SP6: variants seen among roughly 807,000 people sequenced by gnomAD.
SP6 encodes Sp6 transcription factor.
A neutral mutation model predicts 23.4 loss-of-function variants in SP6; 10 were observed. The observed-to-expected ratio is 0.43, with a 90% CI of 0.26 to 0.72. The LOEUF (loss-of-function observed/expected upper bound fraction) is 0.72. Among genes scored for constraint, SP6 ranks in the 30% least tolerant of loss-of-function variants. The pLI is 0.23. For synonymous variants in SP6, 238 were observed against 238.7 expected, an observed-to-expected ratio of 1.00 and a Z score of 0.03; for missense variants, 482 against 523.8, an observed-to-expected ratio of 0.92 and a Z score of 0.78.
the SP6 span, among the ~76,000 whole-genome samples, chr17:47,875,919 C>T: frequency 1.3e-5 from 2 of 152,336 alleles, no homozygotes; most frequent in South Asian, 4.1e-4. Flanking sequence ...AGGAGCCCTG[C>T]ACCCCACCAT....
chr17:47,860,681 T>C (rs2034029351), upstream of SP6, among the ~76,000 whole-genome samples: 1 of 138,398 alleles, frequency 7.2e-6, no homozygotes, highest in African/African-American at 2.7e-5. Flanking sequence ...CTGGGCAACA[T>C]AGTAAGACTC....
At chr17:47,863,564 CTTCTTTTTTTT>C in the SP6 span, 2 of 80,108 alleles carry the variant, frequency 2.5e-5, no homozygotes, top group African/African-American at 9.7e-5. Flanking sequence ...TGGACTTCTT[CTTCTTTTTTTT>C]TTTTTTTTTT....
upstream of SP6, among the ~76,000 whole-genome samples, chr17:47,854,688 G>A (rs1203818334): frequency 1.3e-5 from 2 of 152,214 alleles, no homozygotes; most frequent in Non-Finnish European, 2.9e-5. Context: ...CAACTGTCCT[G>A]TAGAGATTGC....
upstream of SP6, chr17:47,855,739 GC>G (rs2033993726): frequency 6.6e-6 from 1 of 152,604 alleles, no homozygotes; most frequent in Non-Finnish European, 1.5e-5. Context: ...GAGGTGACAG[GC>G]AGTGCCAAAG....
At chr17:47,856,094 A>G (rs1479302680), upstream of SP6, among the ~76,000 whole-genome samples, 5 of 152,174 alleles carry the variant, frequency 3.3e-5, no homozygotes, top group Admixed American at 6.5e-5. Flanking sequence ...GTAAGAGAGA[A>G]AGAAGTTCCA....
the SP6 span, among the ~76,000 whole-genome samples, chr17:47,872,087 G>A: frequency 1.3e-5 from 2 of 152,114 alleles, no homozygotes; most frequent in Admixed American, 6.5e-5. Flanking sequence ...AATAGGAAAA[G>A]GGGAAGAAAA....
chr17:47,846,505 G>A lies in SP6; in HGVS notation c.*794C>T, dbSNP rs1467346023. The A allele has an allele frequency of 1.3e-5, 2 of 152,128 alleles. No homozygotes were observed. The highest frequency in any genetic ancestry group is 2.9e-5 in the Non-Finnish European group (2 of 68,026). 9.4% of individuals were successfully genotyped at this position (152,128 alleles called of 1,614,324 possible). ...TGAATCAGAGGTGGAGAGGGAAGGG[G>A]TTAGTTCCTTCCATACCCCACCAAA... On this transcript the variant is annotated 3_prime_UTR_variant, in exon 2 of 2. Coordinates refer to ENST00000536300, the MANE Select transcript of SP6 (RefSeq NM_001258248.2).
chr17:47,851,477 C>T (rs1390336570), upstream of SP6, among the ~76,000 whole-genome samples: 1 of 152,112 alleles, frequency 6.6e-6, no homozygotes. Flanking sequence ...AGGACTAAGA[C>T]CCAGGGGGAA....
At position 47,847,242 on chromosome 17, in the gene SP6, TG is replaced by T. The variant is rs536018242; in HGVS notation, c.*56del. 9.7e-4 allele frequency: 1,393 copies of T among 1,440,380 alleles called. 16 individuals carry two copies. In the South Asian group the frequency reaches 0.014, roughly 14 times the overall value. 89.2% of individuals were successfully genotyped at this position (1,440,380 alleles called of 1,614,324 possible). A position where few individuals can be genotyped will look rare whatever the true frequency, so the allele number is the denominator to read the frequency against. On this transcript the variant is annotated 3_prime_UTR_variant, in exon 2 of 2. Coordinates refer to ENST00000536300, the MANE Select transcript of SP6 (RefSeq NM_001258248.2). ...AAGCCACCCCCAAGGACGTCAGACC[TG>T]GGGGCTCGCATCCAGTGCCCCCCGG...
chr17:47,871,186 C>T, the SP6 span, among the ~76,000 whole-genome samples: 2 of 152,224 alleles, frequency 1.3e-5, no homozygotes, highest in Non-Finnish European at 2.9e-5. Flanking sequence ...TCCAGAAGCC[C>T]ATCCTATATC....
Position 47,847,302 on chromosome 17 carries a change from G to A in SP6, c.1128C>T (p.Asn376=), listed in dbSNP as rs1485013510. The A allele has an allele frequency of 6.5e-7, 1 of 1,542,250 alleles. No homozygotes were observed. The highest frequency in any genetic ancestry group is 2.4e-5 in the East Asian group (1 of 41,668). ...REAEGSVAPS[N] ...CAGGGAGGCGGCACTGAGGAGCTCAGTTGGAGGGAGCCACGCTGCCCTCGG... is the reference window on the plus strand; with the variant it reads ...CAGGGAGGCGGCACTGAGGAGCTCAATTGGAGGGAGCCACGCTGCCCTCGG... Residue 376 remains asparagine (N), a synonymous_variant, in exon 2 of 2, where the codon AAC becomes AAT. Coordinates refer to ENST00000536300, the MANE Select transcript of SP6 (RefSeq NM_001258248.2).
chr17:47,876,176 T>C, the SP6 span, among the ~76,000 whole-genome samples: 20 of 152,040 alleles, frequency 1.3e-4, no homozygotes, highest in Admixed American at 3.3e-4. Flanking sequence ...TTCGAGGTGG[T>C]TGAAGAAGAG....
rs772886358 is a variant in SP6 at position 47,847,965 on chromosome 17, G to A, written c.465C>T (p.Tyr155=). ...GGGCACAAAGCTGGTGGTCTCCGAC[G>A]TAGCCCCCCAAGCCCGCCTGAAGCG... is the stretch of plus-strand genomic sequence containing the variant. ...PGALQAGLGG[Y]VGDHQLCAPP... Residue 155 remains tyrosine (Y), a synonymous_variant, in exon 2 of 2, where the codon TAC becomes TAT. Coordinates refer to ENST00000536300, the MANE Select transcript of SP6 (RefSeq NM_001258248.2). 31 of 1,577,782 alleles carry A rather than the reference G, an allele frequency of 2.0e-5. No individual in the cohort carries two copies. Among genetic ancestry groups the A allele is most frequent in the Non-Finnish European group, 2.5e-5 (29 of 1,161,700 alleles).
At chr17:47,874,284 T>A in the SP6 span, among the ~76,000 whole-genome samples, 1 of 151,798 alleles carries the variant, frequency 6.6e-6, no homozygotes, top group Non-Finnish European at 1.5e-5. Context: ...AGAGGCTGGG[T>A]TTCATTATAT....
the SP6 span, among the ~76,000 whole-genome samples, chr17:47,870,106 C>T: frequency 2.7e-3 from 406 of 152,254 alleles, 3 homozygotes; most frequent in African/African-American, 9.0e-3. Flanking sequence ...AGAGCCAACA[C>T]ATTGATACAC....
At chr17:47,853,606 C>A (rs1040656159), upstream of SP6, among the ~76,000 whole-genome samples, 14 of 152,186 alleles carry the variant, frequency 9.2e-5, no homozygotes, top group African/African-American at 2.4e-4. Context: ...CTGGCCCCTT[C>A]TGCCTTTTCC....
the SP6 span, among the ~76,000 whole-genome samples, chr17:47,869,122 C>A: frequency 9.2e-5 from 14 of 152,338 alleles, no homozygotes; most frequent in Admixed American, 3.3e-4. Flanking sequence ...GAACAGAGTC[C>A]TCCAGAGCCT....
the SP6 span, among the ~76,000 whole-genome samples, chr17:47,867,662 A>G: frequency 6.8e-6 from 1 of 148,068 alleles, no homozygotes; most frequent in Non-Finnish European, 1.5e-5. Context: ...GCCTCCGTGG[A>G]AACCTGTTGC....
At chr17:47,862,082 A>C in the SP6 span, among the ~76,000 whole-genome samples, 3 of 151,080 alleles carry the variant, frequency 2.0e-5, no homozygotes, top group East Asian at 5.9e-4. Context: ...GTGGTGGCTC[A>C]TGCCTGTAAT....
Sources: gnomAD v4.1 joint callset for allele counts (sites outside exome capture counted in the v4.1 genomes callset) on GRCh38, gnomAD v4.1.1 for gene constraint, MANE v1.5 for transcripts, NCBI Gene and HGNC (gene_info 2026-07-23, HGNC 2026-07-21) for gene names.